The following CWF19L1 variants were observed in gnomAD, a reference collection of about 807,000 sequenced individuals.
CWF19L1 encodes the protein CWF19-like protein 1.
Under a neutral mutation model 69.7 loss-of-function variants are expected in CWF19L1, and 60 were observed. The observed-to-expected ratio is 0.86, with a 90% CI of 0.70 to 1.07. CWF19L1 has a LOEUF of 1.07. CWF19L1 is among the 50% of genes least tolerant of loss of function. CWF19L1 has a pLI of 0.00. For synonymous variants in CWF19L1, 209 were observed against 222.2 expected, an observed-to-expected ratio of 0.94 and a Z score of 0.53; for missense variants, 591 against 638.9, an observed-to-expected ratio of 0.92 and a Z score of 0.81.
At chr10:100,262,734 A>T (rs1320893340) in intron 1 of CWF19L1, among the ~76,000 whole-genome samples, 1 of 152,190 alleles carries the variant, frequency 6.6e-6, no homozygotes, top group Admixed American at 6.5e-5. Context: ...GACATTGGTA[A>T]GGTAAACTGG....
chr10:100,246,803 C>G lies in CWF19L1; in HGVS notation c.841G>C (p.Ala281Pro). The change falls in exon 8 of 14, where the codon GCC becomes CCC. Residue 281 changes from alanine to proline, a missense_variant. This residue lies in a region of CWF19L1 where 458 missense variants were observed against 489.3 expected (regional missense o/e 0.94). Coordinates refer to ENST00000354105, the MANE Select transcript of CWF19L1 (RefSeq NM_018294.6). ...CCTCAATCAGAACATACCACAGGGGCAAGAATTTGCTTTCCTATGGATGCT... is the reference window on the plus strand; with the variant it reads ...CCTCAATCAGAACATACCACAGGGGGAAGAATTTGCTTTCCTATGGATGCT... ...QEASIGKQIL[A>P]PVEESACQFF... is the part of the protein sequence containing the mutation. The G allele has an allele frequency of 6.2e-7, 1 of 1,613,274 alleles. No homozygotes were observed. Among genetic ancestry groups the G allele is most frequent in the Non-Finnish European group, 8.5e-7 (1 of 1,179,460 alleles).
At position 100,233,268 on chromosome 10, in the gene CWF19L1, G is replaced by A. The variant is rs373328202; in HGVS notation, c.1576C>T (p.Arg526Trp). ...EDEETLARRFRKDFEPYDFTL... is the reference protein window; with the variant it reads ...EDEETLARRFWKDFEPYDFTL... ...AAGTCATAGGGCTCAAAGTCTTTCCGGAAGCGGCGAGCCAGGGTCTCCTCG... is the reference window on the plus strand; with the variant it reads ...AAGTCATAGGGCTCAAAGTCTTTCCAGAAGCGGCGAGCCAGGGTCTCCTCG... The change falls in exon 14 of 14, where the codon CGG (arginine) becomes TGG (tryptophan). Residue 526 changes from arginine to tryptophan, a missense_variant. By Grantham distance (101) the Arg-to-Trp change is moderately radical. Coordinates refer to ENST00000354105, the MANE Select transcript of CWF19L1 (RefSeq NM_018294.6). 1.1e-5 allele frequency: 17 copies of A among 1,613,462 alleles called. No individual in the cohort carries two copies. The highest frequency in any genetic ancestry group is 8.8e-5 in the South Asian group (8 of 90,996).
chr10:100,232,620 C>G lies in CWF19L1; in HGVS notation c.*607G>C, dbSNP rs917961455. 6.6e-6 allele frequency: 1 copy of G among 152,314 alleles called. No individual in the cohort carries two copies. The highest frequency in any genetic ancestry group is 2.4e-5 in the African/African-American group (1 of 41,448). 9.4% of individuals were successfully genotyped at this position (152,314 alleles called of 1,614,324 possible). ...TAAAGACGGGGTTTCACCATGTTGG[C>G]CAGGCTGGTCTCAAACTCCTCACCT... On this transcript the variant is annotated 3_prime_UTR_variant, in exon 14 of 14. Transcript: ENST00000354105.
At position 100,236,921 on chromosome 10, in the gene CWF19L1, C is replaced by T; in HGVS notation, c.1303G>A (p.Ala435Thr). ...TGCTCCTGTGCCTGGGTAATGAAGGCATCTTTAATGTCATCAGTAGTAGAG... is the reference window on the plus strand; with the variant it reads ...TGCTCCTGTGCCTGGGTAATGAAGGTATCTTTAATGTCATCAGTAGTAGAG... ...SCSTTDDIKDAFITQAQEQQI... is the reference protein window; with the variant it reads ...SCSTTDDIKDTFITQAQEQQI... Residue 435 changes from alanine (A) to threonine (T), a missense_variant, in exon 12 of 14, where the codon GCC becomes ACC. By Grantham distance (58) the Ala-to-Thr change is moderately conservative. Coordinates refer to ENST00000354105, the MANE Select transcript of CWF19L1 (RefSeq NM_018294.6). 2 of 1,611,784 alleles carry T rather than the reference C, an allele frequency of 1.2e-6. No individual in the cohort carries two copies. Among genetic ancestry groups the T allele is most frequent in the Non-Finnish European group, 1.7e-6 (2 of 1,178,906 alleles).
Position 100,235,764 on chromosome 10 carries a change from T to A in CWF19L1, c.1375A>T (p.Ile459Phe). 1 of 1,605,824 alleles carries A rather than the reference T, an allele frequency of 6.2e-7. No individual in the cohort carries two copies. Among genetic ancestry groups the A allele is most frequent in the Non-Finnish European group, 8.5e-7 (1 of 1,175,342 alleles). The stretch of plus-strand genomic sequence containing the variant: ...AAATATGCTGCTCCTGGCTGTGCAA[T>A]CTAAAGTAAACAGAGTTGTATGAGG... ...EIPEHSDIKQ[I>F]AQPGAAYFYV... Residue 459 changes from isoleucine to phenylalanine, a missense_variant and splice_region_variant, in exon 13 of 14, where the codon ATT becomes TTT. Around this residue, in one of 3 missense-constraint regions of CWF19L1, gnomAD observed 458 missense variants for 489.3 expected, o/e 0.94. Coordinates refer to ENST00000354105, the MANE Select transcript of CWF19L1 (RefSeq NM_018294.6).
chr10:100,261,052 G>T lies in CWF19L1; in HGVS notation c.109-8C>A, dbSNP rs372635174. 1.7e-5 allele frequency: 28 copies of T among 1,604,870 alleles called. No homozygotes were observed. Among genetic ancestry groups the T allele is most frequent in the Non-Finnish European group, 2.3e-5 (27 of 1,172,766 alleles). On this transcript the variant is annotated splice_region_variant and splice_polypyrimidine_tract_variant and intron_variant, in intron 2 of 13. Transcript: ENST00000354105. Reference sequence around the variant, plus strand: ...TCCTACACACAACAGCAGCTAAAATGAGTTTTTTAAACAGATATATGAGAT... The same window carrying T: ...TCCTACACACAACAGCAGCTAAAATTAGTTTTTTAAACAGATATATGAGAT...
chr10:100,255,310 G>A (rs1377865577), intron 5 of CWF19L1, among the ~76,000 whole-genome samples: 2 of 152,118 alleles, frequency 1.3e-5, no homozygotes, highest in African/African-American at 4.8e-5. Context: ...CTAGAGCGCA[G>A]GAGTTCAAGA....
intron 13 of CWF19L1, among the ~76,000 whole-genome samples, chr10:100,235,171 GAA>G (rs758876918): frequency 1.4e-4 from 22 of 152,230 alleles, no homozygotes; most frequent in Non-Finnish European, 2.9e-4. Context: ...CCATCGTTGT[GAA>G]AAGTCTACCG....
chr10:100,248,555 C>A (rs892868277), intron 7 of CWF19L1: 6 of 724,098 alleles, frequency 8.3e-6, no homozygotes, highest in Non-Finnish European at 1.5e-5. Flanking sequence ...GGGCCTGTCG[C>A]TAGCCAGCTT....
chr10:100,233,444 G>A (rs943323786), intron 13 of CWF19L1, 73 bp from the exon 14 acceptor site: 1 of 1,496,096 alleles, frequency 6.7e-7, no homozygotes, highest in Non-Finnish European at 9.0e-7. Context: ...CCCAAAGGAG[G>A]TATGCAAATT....
At chr10:100,248,605 C>A in intron 7 of CWF19L1, 1 of 741,668 alleles carries the variant, frequency 1.3e-6, no homozygotes, top group South Asian at 1.4e-5. Context: ...TTATGATAAG[C>A]GTGTGCTGCT....
At position 100,245,878 on chromosome 10, in the gene CWF19L1, A is replaced by G; in HGVS notation, c.885T>C (p.Asn295=). Residue 295 remains asparagine, a synonymous_variant, in exon 9 of 14, where the codon AAT becomes AAC. Transcript: ENST00000354105. ...ATGAACGCTTCCTTCCCTGCTTTTC[A>G]TTTAAATCAAAGAAAAACTGACAGG... is the stretch of plus-strand genomic sequence containing the variant. ...ESACQFFFDL[N]EKQGRKRSST... The G allele has an allele frequency of 1.9e-6, 3 of 1,614,162 alleles. No individual in the cohort carries two copies. Among genetic ancestry groups the G allele is most frequent in the Non-Finnish European group, 2.5e-6 (3 of 1,180,006 alleles).
intron 7 of CWF19L1, chr10:100,248,819 T>C (rs1444685660): frequency 1.4e-6 from 2 of 1,398,182 alleles, no homozygotes; most frequent in Non-Finnish European, 2.0e-6. Flanking sequence ...GCCAAACAGG[T>C]GGCTCAGCGG....
At chr10:100,238,323 T>C (rs1260213204) in intron 10 of CWF19L1, 92 bp from the exon 11 acceptor site, 1 of 1,155,908 alleles carries the variant, frequency 8.7e-7, no homozygotes, top group African/African-American at 1.6e-5. Context: ...CCTGAGGGTG[T>C]AGGCGAAAAG....
intron 7 of CWF19L1, among the ~76,000 whole-genome samples, chr10:100,247,815 G>A (rs1481742783): frequency 6.6e-6 from 1 of 152,132 alleles, no homozygotes; most frequent in Non-Finnish European, 1.5e-5. Context: ...AGAATCGCTT[G>A]AACATGGGAG....
rs545815375 is a variant in CWF19L1, at chr10:100,254,770, T to A, written c.505-1231A>T. On this transcript the variant is annotated intron_variant, in intron 5 of 13. Coordinates refer to ENST00000354105, the MANE Select transcript of CWF19L1 (RefSeq NM_018294.6). Reference sequence around the variant, plus strand: ...TTTTCTCATCCTTCCTTACAGAGCATCATATGTGTCTTTCTCTCTTCCTTC... The same window carrying A: ...TTTTCTCATCCTTCCTTACAGAGCAACATATGTGTCTTTCTCTCTTCCTTC... Among the ~76,000 whole-genome samples, 3 of 152,278 alleles carry A rather than the reference T, an allele frequency of 2.0e-5. No homozygotes were observed. The South Asian group carries it at 6.2e-4, about 32-fold the overall frequency.
chr10:100,260,942 G>A (rs200983448), intron 3 of CWF19L1, 24 bp downstream of exon 3: 18 of 1,453,918 alleles, frequency 1.2e-5, no homozygotes, highest in Non-Finnish European at 9.5e-7. Context: ...GAAATCATAT[G>A]TTAAATAAAA....
rs376802356 is a variant in CWF19L1, at chr10:100,267,605, G to C, written c.-12C>G. 2 of 1,614,098 alleles carry C rather than the reference G, an allele frequency of 1.2e-6. No individual in the cohort carries two copies. The highest frequency in any genetic ancestry group is 1.7e-5 in the Admixed American group (1 of 60,004). On this transcript the variant is annotated 5_prime_UTR_variant, in exon 1 of 14. Transcript: ENST00000354105. ...GGTTTCTGTGCCATCTGTCCGAATA[G>C]TATGGGTTGCGACTGCCACCTAAAA...
intron 4 of CWF19L1, among the ~76,000 whole-genome samples, chr10:100,257,245 A>G (rs542878155): frequency 6.7e-6 from 1 of 149,284 alleles, no homozygotes; most frequent in Non-Finnish European, 1.5e-5. Flanking sequence ...CCTCCTCTTC[A>G]GTTTTGAATT....
Sources: gnomAD v4.1 joint callset for allele counts (sites outside exome capture counted in the v4.1 genomes callset) on GRCh38, gnomAD v4.1.1 for gene constraint, gnomAD v4.1.1 regional missense constraint, MANE v1.5 for transcripts, NCBI Gene and HGNC (gene_info 2026-07-23, HGNC 2026-07-21) for gene names.